Variants in STK32C observed in about 807,000 individuals in gnomAD.
STK32C encodes serine/threonine kinase 32C.
A neutral mutation model predicts 56.5 loss-of-function variants in STK32C; 31 were observed. That is an observed-to-expected ratio of 0.55 (90% CI 0.41 to 0.74). The LOEUF (loss-of-function observed/expected upper bound fraction) is 0.74. STK32C is among the 30% of genes least tolerant of loss of function. STK32C has a pLI of 0.00. For synonymous variants in STK32C, 309 were observed against 289.4 expected, an observed-to-expected ratio of 1.07 and a Z score of -0.69; for missense variants, 544 against 676.9, an observed-to-expected ratio of 0.80 and a Z score of 2.18.
At position 132,231,137 on chromosome 10, in the gene STK32C, C is replaced by T. The variant is rs144737347; in HGVS notation, c.319-3009G>A. Among the ~76,000 whole-genome samples the T allele has an allele frequency of 7.9e-3, 1,205 of 152,340 alleles. 25 individuals carry two copies. Among genetic ancestry groups the T allele is most frequent in the African/African-American group, 0.027 (1,113 of 41,588 alleles). ...CCCTGTGACCCAAGCCTGCTCTCCC[C>T]GTCACACGCATCCCATCACCCACAG... On this transcript the variant is annotated intron_variant, in intron 2 of 11. Coordinates refer to ENST00000298630, the MANE Select transcript of STK32C (RefSeq NM_173575.4).
chr10:132,325,824 C>A (rs1306992970), intron 1 of STK32C, among the ~76,000 whole-genome samples: 1 of 151,266 alleles, frequency 6.6e-6, no homozygotes, highest in Non-Finnish European at 1.5e-5. Context: ...CGGGTTCATG[C>A]CATTCTCCTG....
At position 132,255,054 on chromosome 10, in the gene STK32C, G is replaced by A. The variant is rs535123237; in HGVS notation, c.263-9099C>T. ...GAACCAGCCCGTTCACCAATGGGAG[G>A]ATTGCACAGCAGAAGTGGGCACTAC... On this transcript the variant is annotated intron_variant, in intron 1 of 11. Transcript: ENST00000298630. The surrounding 1 kb of genome is among the most constrained non-coding windows in gnomAD (Gnocchi z 4.6). 3.0e-4 allele frequency among the ~76,000 whole-genome samples: 46 copies of A among 152,266 alleles called. No homozygotes were observed. The highest frequency in any genetic ancestry group is 6.2e-4 in the Non-Finnish European group (42 of 68,026).
intron 1 of STK32C, among the ~76,000 whole-genome samples, chr10:132,256,126 T>C (rs988240019): frequency 6.6e-6 from 1 of 152,238 alleles, no homozygotes; most frequent in Admixed American, 6.5e-5. Context: ...TTGGCAGCGA[T>C]GCCCTCACCC....
At chr10:132,302,035 C>T (rs917507352) in intron 1 of STK32C, among the ~76,000 whole-genome samples, 4 of 152,166 alleles carry the variant, frequency 2.6e-5, no homozygotes, top group African/African-American at 4.8e-5. Flanking sequence ...CACCCCAGGC[C>T]GGCTGGGTCA....
chr10:132,295,286 C>T (rs1308425640), intron 1 of STK32C, among the ~76,000 whole-genome samples: 8 of 152,140 alleles, frequency 5.3e-5, no homozygotes. Context: ...AACCAGGGCT[C>T]CTTGGAGAAA....
At chr10:132,317,870 C>T (rs533924601) in intron 1 of STK32C, among the ~76,000 whole-genome samples, 76 of 148,852 alleles carry the variant, frequency 5.1e-4, no homozygotes, top group African/African-American at 1.7e-3. Context: ...CCCAGCTACT[C>T]GGGGGGCTGA....
At chr10:132,306,767 C>T (rs751563340) in intron 1 of STK32C, among the ~76,000 whole-genome samples, 2 of 152,192 alleles carry the variant, frequency 1.3e-5, no homozygotes, top group African/African-American at 2.4e-5. Context: ...TGCATGTTAC[C>T]TGTAGAAAAG....
chr10:132,295,853 A>T (rs1017331365), intron 1 of STK32C, among the ~76,000 whole-genome samples: 1 of 152,166 alleles, frequency 6.6e-6, no homozygotes, highest in African/African-American at 2.4e-5. Context: ...ACTGCACTCC[A>T]GCCCGGGCGA....
intron 10 of STK32C, among the ~76,000 whole-genome samples, chr10:132,212,774 A>C (rs2062352025): frequency 6.6e-6 from 1 of 152,206 alleles, no homozygotes; most frequent in African/African-American, 2.4e-5. Flanking sequence ...GGAAGGCCTC[A>C]CTCCCATCCC....
intron 1 of STK32C, among the ~76,000 whole-genome samples, chr10:132,273,430 T>G (rs1434724090): frequency 6.6e-6 from 1 of 152,064 alleles, no homozygotes; most frequent in Non-Finnish European, 1.5e-5. Flanking sequence ...AATGAATGAG[T>G]GAATGAATCA....
chr10:132,288,902 C>T (rs529471565), intron 1 of STK32C, among the ~76,000 whole-genome samples: 16 of 152,258 alleles, frequency 1.1e-4, no homozygotes, highest in Non-Finnish European at 2.2e-4. Context: ...ATATTTCTAA[C>T]ACAGTCTGAA....
At chr10:132,241,032 C>T (rs75393731) in intron 2 of STK32C, among the ~76,000 whole-genome samples, 6,811 of 152,330 alleles carry the variant, frequency 0.045, 269 homozygotes, top group African/African-American at 0.11. Flanking sequence ...TCTGCCCCTA[C>T]AGAAGTCAAC....
At chr10:132,275,462 A>C (rs1170323062) in intron 1 of STK32C, among the ~76,000 whole-genome samples, 1 of 152,196 alleles carries the variant, frequency 6.6e-6, no homozygotes, top group African/African-American at 2.4e-5. Flanking sequence ...TAGGATGAGA[A>C]TCAGGTCCCT....
rs544447826 is a variant in STK32C, at chr10:132,283,854, C to A, written c.262+23718G>T. On this transcript the variant is annotated intron_variant, in intron 1 of 11. Coordinates refer to ENST00000298630, the MANE Select transcript of STK32C (RefSeq NM_173575.4). ...CCCCACGCTCTGCTGGGAAGAGCCA[C>A]CCCAGACTGCCCAGGAGGCCTCCCT... Among the ~76,000 whole-genome samples the A allele has an allele frequency of 2.0e-5, 3 of 152,306 alleles. No individual in the cohort carries two copies. The East Asian group carries it at 5.8e-4, about 29-fold the overall frequency.
upstream of STK32C, chr10:132,308,064 G>T: frequency 1.8e-6 from 1 of 550,708 alleles, no homozygotes; most frequent in Non-Finnish European, 2.3e-6. Context: ...GCGGAGCTGA[G>T]CGCCGGGGCG....
At chr10:132,303,176 T>G (rs1425345346) in intron 1 of STK32C, among the ~76,000 whole-genome samples, 5 of 152,076 alleles carry the variant, frequency 3.3e-5, no homozygotes, top group Non-Finnish European at 5.9e-5. Flanking sequence ...AGGCCTCAGA[T>G]CCCTACAGGG....
intron 1 of STK32C, among the ~76,000 whole-genome samples, chr10:132,275,563 G>A (rs918739250): frequency 3.9e-5 from 6 of 152,190 alleles, no homozygotes; most frequent in African/African-American, 1.4e-4. Context: ...TCTTCCTTCT[G>A]GCCACTCCGC....
In STK32C at chr10:132,225,084, A is replaced by G. The variant is rs556546743; in HGVS notation, c.876+149T>C. On this transcript the variant is annotated intron_variant, in intron 7 of 11. Transcript: ENST00000298630. ...CTGCTCAGGCATTCCATCACCAACT[A>G]CACACTTCGATAAAAGCGTGACTCC... 12 of 648,518 alleles carry G rather than the reference A, an allele frequency of 1.9e-5. 1 individual carries two copies. In the East Asian group the frequency reaches 3.0e-4, roughly 16 times the overall value. The allele number at this position is 648,518 out of a possible 1,614,324, so 40.2% of individuals were successfully genotyped here. A position where few individuals can be genotyped will look rare whatever the true frequency, so the allele number is the denominator to read the frequency against.
At chr10:132,221,564 C>A (rs2062651978) in intron 10 of STK32C, among the ~76,000 whole-genome samples, 1 of 140,764 alleles carries the variant, frequency 7.1e-6, no homozygotes, top group African/African-American at 2.7e-5. Context: ...ACGTGGCCAT[C>A]CCCGCACACA....
Sources: allele counts gnomAD v4.1 joint callset (sites outside exome capture counted in the v4.1 genomes callset), GRCh38; gene constraint gnomAD v4.1.1; non-coding constraint Gnocchi (gnomAD v3.1); transcripts MANE v1.5; gene names NCBI Gene and HGNC (gene_info 2026-07-23, HGNC 2026-07-21).